The following GFRA2 variants were observed in gnomAD, a reference collection of about 807,000 sequenced individuals.
GFRA2 encodes GDNF family receptor alpha-2.
GFRA2 carries 17 observed loss-of-function variants against 48.3 expected under a neutral mutation model. That is an observed-to-expected ratio of 0.35 (90% CI 0.24 to 0.53). GFRA2 has a LOEUF of 0.53. Ranked by LOEUF, GFRA2 falls within the 20% of genes least tolerant of loss-of-function variation. GFRA2 has a pLI of 0.93. For missense variants in GFRA2, 660 were observed against 637.3 expected (o/e 1.04, Z -0.38); for synonymous variants, 305 against 257.2 (o/e 1.19, Z -1.78).
chr8:21,698,575 C>T (rs539850812), intron 7 of GFRA2, among the ~76,000 whole-genome samples: 162 of 152,270 alleles, frequency 1.1e-3, no homozygotes, highest in African/African-American at 3.6e-3. Flanking sequence ...GCCCTGGCCC[C>T]GCCCCTAAAT....
chr8:21,763,331 T>A (rs1483266471), intron 3 of GFRA2, among the ~76,000 whole-genome samples: 1 of 152,112 alleles, frequency 6.6e-6, no homozygotes, highest in South Asian at 2.1e-4. Context: ...TTTCTCCTCA[T>A]CATTTCTGCC....
intron 3 of GFRA2, among the ~76,000 whole-genome samples, chr8:21,752,650 C>G (rs1331032621): frequency 1.3e-5 from 2 of 152,090 alleles, no homozygotes; most frequent in African/African-American, 4.8e-5. Context: ...ACTTATCTGT[C>G]TACCTGCCAA....
chr8:21,751,017 A>G (rs1052395776), intron 3 of GFRA2, 75 bp from the exon 4 acceptor site: 2 of 990,474 alleles, frequency 2.0e-6, no homozygotes, highest in South Asian at 1.5e-5. Flanking sequence ...TCACTGGAAG[A>G]TGTCTCCCAG....
intron 7 of GFRA2, among the ~76,000 whole-genome samples, chr8:21,699,706 G>A (rs1802376871): frequency 6.6e-6 from 1 of 152,210 alleles, no homozygotes; most frequent in Admixed American, 6.5e-5. Context: ...CAGCTTCCCA[G>A]TCCTGCGCAC....
intron 4 of GFRA2, among the ~76,000 whole-genome samples, chr8:21,731,428 C>T (rs1335468198): frequency 6.6e-6 from 1 of 152,144 alleles, no homozygotes. Context: ...AACTCTAACT[C>T]CAAAAGGCCT....
Position 21,782,829 on chromosome 8 carries a change from T to TG in GFRA2, c.110dup (p.Val38SerfsTer8). 3.2e-6 allele frequency: 5 copies of TG among 1,571,866 alleles called. No individual in the cohort carries two copies. The highest frequency in any genetic ancestry group is 3.4e-6 in the Non-Finnish European group (4 of 1,165,504). On this transcript the variant is annotated frameshift_variant, in exon 2 of 9. Transcript: ENST00000524240. LOFTEE classifies it high-confidence loss of function. ...GCTCATTGGCCCGGACACAGTCCAC[T>TG]GGGGGGCGCCAGCCGTGGAGCTCGG...
chr8:21,765,522 T>A (rs1345830839), intron 3 of GFRA2, among the ~76,000 whole-genome samples: 3 of 152,158 alleles, frequency 2.0e-5, no homozygotes, highest in South Asian at 4.1e-4. Context: ...CTCTTCCTCC[T>A]CTACTTGGTG....
intron 3 of GFRA2, among the ~76,000 whole-genome samples, chr8:21,755,006 ACT>A (rs1250672866): frequency 6.6e-6 from 1 of 152,152 alleles, no homozygotes; most frequent in Non-Finnish European, 1.5e-5. Flanking sequence ...AAGGTATGAC[ACT>A]CTGAAAAAGG....
chr8:21,782,797 G>A lies in GFRA2; in HGVS notation c.143C>T (p.Ala48Val). ...VDCVRANELC[A>V]AESNCSSRYR... ...GCGAGAGCTGCAGTTGGATTCGGCG[G>A]CACACAGCTCATTGGCCCGGACACA... Residue 48 changes from alanine to valine, a missense_variant, in exon 2 of 9, where the codon GCC becomes GTC. Coordinates refer to ENST00000524240, the MANE Select transcript of GFRA2 (RefSeq NM_001495.5). 1.9e-6 allele frequency: 3 copies of A among 1,582,604 alleles called. No individual in the cohort carries two copies. Among genetic ancestry groups the A allele is most frequent in the Non-Finnish European group, 1.7e-6 (2 of 1,168,932 alleles).
chr8:21,692,741 G>A lies in GFRA2; in HGVS notation c.*537C>T, dbSNP rs987676246. On this transcript the variant is annotated 3_prime_UTR_variant, in exon 9 of 9. Transcript: ENST00000524240. Reference sequence around the variant, plus strand: ...CTGCAGACCCACCAGCCCCACCCGAGGGCAGAGAGGGAGGGCAAAACCATC... The same window carrying A: ...CTGCAGACCCACCAGCCCCACCCGAAGGCAGAGAGGGAGGGCAAAACCATC... 6.6e-6 allele frequency: 1 copy of A among 152,608 alleles called. No individual in the cohort carries two copies. Among genetic ancestry groups the A allele is most frequent in the Non-Finnish European group, 1.5e-5 (1 of 68,348 alleles). 9.5% of individuals were successfully genotyped at this position (152,608 alleles called of 1,614,324 possible).
chr8:21,768,068 C>CGT (rs1419965435), intron 3 of GFRA2, among the ~76,000 whole-genome samples: 11 of 152,304 alleles, frequency 7.2e-5, no homozygotes, highest in African/African-American at 2.6e-4. Flanking sequence ...CCCCAAGCGC[C>CGT]GTGAGAGTCA....
At chr8:21,788,047 C>CCCGGG in intron 1 of GFRA2, 73 bp downstream of exon 1, 1 of 618,980 alleles carries the variant, frequency 1.6e-6, no homozygotes. Flanking sequence ...CAGCCCCCCA[C>CCCGGG]CGGCGCTCCG....
upstream of GFRA2, among the ~76,000 whole-genome samples, chr8:21,793,636 G>C (rs1807617562): frequency 6.6e-6 from 1 of 152,170 alleles, no homozygotes; most frequent in African/African-American, 2.4e-5. Flanking sequence ...AGAGGCAAGA[G>C]AAGTGATTCA....
intron 1 of GFRA2, among the ~76,000 whole-genome samples, chr8:21,784,120 AC>A (rs1807151629): frequency 6.6e-6 from 1 of 151,938 alleles, no homozygotes; most frequent in African/African-American, 2.4e-5. Context: ...CCATGTCCAC[AC>A]CCACAGTGCC....
intron 4 of GFRA2, among the ~76,000 whole-genome samples, chr8:21,717,486 T>C (rs1803390614): frequency 6.6e-6 from 1 of 152,246 alleles, no homozygotes; most frequent in Non-Finnish European, 1.5e-5. Flanking sequence ...AAGATGCTAA[T>C]AGAAGACACT....
intron 3 of GFRA2, among the ~76,000 whole-genome samples, chr8:21,755,441 A>C (rs1805521575): frequency 6.6e-6 from 1 of 152,212 alleles, no homozygotes; most frequent in African/African-American, 2.4e-5. Context: ...CAGAAAGAGA[A>C]TCAAGGTTTG....
At chr8:21,700,826 C>G (rs1802437732) in intron 7 of GFRA2, among the ~76,000 whole-genome samples, 1 of 152,142 alleles carries the variant, frequency 6.6e-6, no homozygotes, top group South Asian at 2.1e-4. Context: ...CTCCCCCACC[C>G]TTCCTCCCAT....
At chr8:21,786,134 G>A (rs1441552322) in intron 1 of GFRA2, among the ~76,000 whole-genome samples, 1 of 152,154 alleles carries the variant, frequency 6.6e-6, no homozygotes, top group Non-Finnish European at 1.5e-5. Flanking sequence ...TCTCACCCCC[G>A]CCTCTCAACA....
chr8:21,738,375 C>T (rs929423373), intron 4 of GFRA2, among the ~76,000 whole-genome samples: 1 of 151,458 alleles, frequency 6.6e-6, no homozygotes, highest in Non-Finnish European at 1.5e-5. Flanking sequence ...GAGCACGTAC[C>T]GTCTGCCCTC....
Sources: gnomAD v4.1 joint callset for allele counts (sites outside exome capture counted in the v4.1 genomes callset) on GRCh38, gnomAD v4.1.1 for gene constraint, MANE v1.5 for transcripts, NCBI Gene and HGNC (gene_info 2026-07-23, HGNC 2026-07-21) for gene names.